The following SVEP1 variants were observed in gnomAD, a reference collection of about 807,000 sequenced individuals.
The protein encoded by SVEP1 is sushi, von Willebrand factor type A, EGF and pentraxin domain-containing protein 1.
A neutral mutation model predicts 367.3 loss-of-function variants in SVEP1; 164 were observed. The observed-to-expected ratio is 0.45, with a 90% CI of 0.39 to 0.51. The LOEUF (loss-of-function observed/expected upper bound fraction) is 0.51, where lower values mean the gene tolerates loss of function less well. Ranked by LOEUF, SVEP1 falls within the 20% of genes least tolerant of loss-of-function variation. SVEP1 has a pLI of 0.00. For synonymous variants in SVEP1, 1,666 were observed against 1,611.6 expected, an observed-to-expected ratio of 1.03 and a Z score of -0.81; for missense variants, 4,117 against 4,425.3, an observed-to-expected ratio of 0.93 and a Z score of 1.98.
rs200928096 is a variant in SVEP1, at chr9:110,465,046, C to CT, written c.3322+818dup. On this transcript the variant is annotated intron_variant, in intron 18 of 47. Coordinates refer to ENST00000374469, the MANE Select transcript of SVEP1 (RefSeq NM_153366.4). ...AATACTTAAAAATTGGAACTCTAAT[C>CT]TTTTTTTTTCTATTTAAACCAGTGG... Among the ~76,000 whole-genome samples the CT allele has an allele frequency of 6.9e-3, 1,040 of 151,564 alleles. 10 individuals carry two copies. Among genetic ancestry groups the CT allele is most frequent in the African/African-American group, 0.023 (955 of 41,328 alleles).
At chr9:110,494,463 ACCAAAGC>A (rs1049853835) in intron 8 of SVEP1, among the ~76,000 whole-genome samples, 1 of 152,232 alleles carries the variant, frequency 6.6e-6, no homozygotes, top group African/African-American at 2.4e-5. Flanking sequence ...CCCTAGAGCA[ACCAAAGC>A]TTGTGACTGT....
chr9:110,396,047 T>C (rs1827752669), intron 40 of SVEP1, among the ~76,000 whole-genome samples: 1 of 152,176 alleles, frequency 6.6e-6, no homozygotes, highest in Non-Finnish European at 1.5e-5. Flanking sequence ...CAACAGAATA[T>C]ACATTCTTTT....
intron 40 of SVEP1, among the ~76,000 whole-genome samples, chr9:110,396,959 C>T (rs7036770): frequency 0.76 from 100,251 of 132,310 alleles, 36,525 homozygotes; most frequent in African/African-American, 0.87. Flanking sequence ...TTCCAATCAA[C>T]AGAAAAAGAG....
chr9:110,527,886 C>T (rs1829960844), intron 3 of SVEP1, among the ~76,000 whole-genome samples: 1 of 151,582 alleles, frequency 6.6e-6, no homozygotes, highest in African/African-American at 2.4e-5. Context: ...TCTCCAATGT[C>T]CATTATACCA....
At chr9:110,436,570 C>A in intron 27 of SVEP1, 66 bp from the exon 28 acceptor site, 1 of 1,538,602 alleles carries the variant, frequency 6.5e-7, no homozygotes, top group Non-Finnish European at 8.8e-7. Flanking sequence ...TCCTAAAATC[C>A]AAATTTAATG....
intron 47 of SVEP1, among the ~76,000 whole-genome samples, 167 bp from the exon 48 acceptor site, chr9:110,366,727 G>T (rs1194202822): frequency 1.3e-5 from 2 of 152,172 alleles, no homozygotes; most frequent in African/African-American, 4.8e-5. Flanking sequence ...TAACTAAGAG[G>T]CATGGGAAAC....
intron 1 of SVEP1, among the ~76,000 whole-genome samples, chr9:110,570,692 G>T (rs1235738915): frequency 1.3e-5 from 2 of 152,256 alleles, no homozygotes; most frequent in South Asian, 2.1e-4. Context: ...TGTTGGCCAG[G>T]CTGGTCTTGA....
At chr9:110,438,178 T>C (rs1312990422) in intron 27 of SVEP1, among the ~76,000 whole-genome samples, 1 of 16,474 alleles carries the variant, frequency 6.1e-5, no homozygotes, top group African/African-American at 3.8e-4. Flanking sequence ...AGTTATGCTA[T>C]TTTTTTTTTT....
Position 110,408,304 on chromosome 9 carries a change from C to A in SVEP1, c.7296G>T (p.Leu2432=), listed in dbSNP as rs1393281160. ...GACATTCTACTGGAACACATTCTGG[C>A]AGTGGAGAGCTCCAGGTGCCATCAG... is the stretch of plus-strand genomic sequence containing the variant. ...CQPDGTWSSP[L]PECVPVECPQ... Residue 2432 remains leucine (L), a synonymous_variant, in exon 38 of 48, where the codon CTG becomes CTT. Coordinates refer to ENST00000374469, the MANE Select transcript of SVEP1 (RefSeq NM_153366.4). The A allele has an allele frequency of 1.1e-5, 17 of 1,613,880 alleles. No homozygotes were observed. The highest frequency in any genetic ancestry group is 1.4e-5 in the Non-Finnish European group (17 of 1,179,854).
intron 3 of SVEP1, among the ~76,000 whole-genome samples, chr9:110,523,847 A>C (rs549425498): frequency 1.3e-5 from 2 of 152,156 alleles, no homozygotes; most frequent in African/African-American, 4.8e-5. Context: ...AATAGTAAAT[A>C]TAAGAGCAGA....
At chr9:110,449,041 T>G (rs911447936) in intron 24 of SVEP1, among the ~76,000 whole-genome samples, 7 of 152,334 alleles carry the variant, frequency 4.6e-5, no homozygotes, top group Non-Finnish European at 7.3e-5. Flanking sequence ...CAGCAGCATC[T>G]TGAGGACAAT....
At chr9:110,435,667 C>T (rs191665510) in intron 28 of SVEP1, among the ~76,000 whole-genome samples, 112 of 152,306 alleles carry the variant, frequency 7.4e-4, no homozygotes, top group African/African-American at 2.5e-3. Flanking sequence ...AGGCTCTCCC[C>T]TTCTTCATTC....
At chr9:110,455,769 C>G in intron 21 of SVEP1, 66 bp from the exon 22 acceptor site, 1 of 1,267,106 alleles carries the variant, frequency 7.9e-7, no homozygotes, top group Non-Finnish European at 1.1e-6. Flanking sequence ...GAACTATGAT[C>G]ATTTAAAGGT....
intron 8 of SVEP1, among the ~76,000 whole-genome samples, chr9:110,493,171 C>T (rs1829395936): frequency 6.6e-6 from 1 of 151,904 alleles, no homozygotes; most frequent in Non-Finnish European, 1.5e-5. Flanking sequence ...AGCAGAGGTC[C>T]TGCCAGAATG....
chr9:110,431,941 T>C lies in SVEP1; in HGVS notation c.5327A>G (p.Tyr1776Cys). The C allele has an allele frequency of 6.2e-7, 1 of 1,613,700 alleles. No homozygotes were observed. Among genetic ancestry groups the C allele is most frequent in the Non-Finnish European group, 8.5e-7 (1 of 1,179,698 alleles). ...GSYICSCVPP[Y>C]TGDGKNCAEP... is the part of the protein sequence containing the mutation. ...TGCACAGTTTTTCCCATCTCCTGTGTACGGTGGGACACATGAACATATGTA... is the reference window on the plus strand; with the variant it reads ...TGCACAGTTTTTCCCATCTCCTGTGCACGGTGGGACACATGAACATATGTA... The change falls in exon 32 of 48, where the codon TAC (tyrosine) becomes TGC (cysteine). Residue 1776 changes from tyrosine (Y) to cysteine (C), a missense_variant. By Grantham distance (194) the Tyr-to-Cys change is radical. This residue lies in a region of SVEP1 where 2,174 missense variants were observed against 2,494.3 expected (regional missense o/e 0.87). Transcript: ENST00000374469.
chr9:110,461,883 C>G (rs1828863373), intron 18 of SVEP1, among the ~76,000 whole-genome samples: 2 of 152,146 alleles, frequency 1.3e-5, no homozygotes, highest in Non-Finnish European at 2.9e-5. Flanking sequence ...TGATAGATCT[C>G]AGAGTGCTAG....
At chr9:110,446,353 G>C (rs1226008832) in intron 25 of SVEP1, among the ~76,000 whole-genome samples, 1 of 152,148 alleles carries the variant, frequency 6.6e-6, no homozygotes, top group African/African-American at 2.4e-5. Context: ...ATGCTGATGA[G>C]AATGACTCAG....
intron 40 of SVEP1, among the ~76,000 whole-genome samples, chr9:110,396,815 G>C (rs1193044771): frequency 6.6e-6 from 1 of 152,156 alleles, no homozygotes; most frequent in Admixed American, 6.5e-5. Context: ...TCTCTGAATA[G>C]ACCAATAACA....
intron 36 of SVEP1, among the ~76,000 whole-genome samples, chr9:110,425,630 AG>A (rs1470266157): frequency 6.6e-6 from 1 of 152,260 alleles, no homozygotes; most frequent in African/African-American, 2.4e-5. Flanking sequence ...TCAAATGAAT[AG>A]ATTTTTTAAT....
Sources: gnomAD v4.1 joint callset for allele counts (sites outside exome capture counted in the v4.1 genomes callset) on GRCh38, gnomAD v4.1.1 for gene constraint, gnomAD v4.1.1 regional missense constraint, MANE v1.5 for transcripts, NCBI Gene and HGNC (gene_info 2026-07-23, HGNC 2026-07-21) for gene names.